The following EIF5A variants were observed in gnomAD, a reference collection of about 807,000 sequenced individuals.
The protein encoded by EIF5A is eukaryotic translation initiation factor 5A-1.
In EIF5A, 1 loss-of-function variant was observed where a neutral mutation model predicts 16.6. The ratio of observed to expected loss-of-function variants is 0.06; its 90% CI spans 0.02 to 0.28. EIF5A has a LOEUF of 0.28. Among genes scored for constraint, EIF5A ranks in the 10% least tolerant of loss-of-function variants. The pLI is 1.00. For synonymous variants in EIF5A, 80 were observed against 73.6 expected (o/e 1.09, Z -0.44); for missense variants, 29 against 196.1 (o/e 0.15, Z 5.09).
intron 2 of EIF5A, chr17:7,310,272 C>T: frequency 7.8e-7 from 1 of 1,288,470 alleles, no homozygotes; most frequent in African/African-American, 1.5e-5. Context: ...TTCTAGCTTT[C>T]CCTTTGGAAC....
chr17:7,309,970 CCA>C, intron 2 of EIF5A, 170 bp downstream of exon 2: 1 of 1,538,908 alleles, frequency 6.5e-7, no homozygotes. Flanking sequence ...CACCTGCTCC[CCA>C]GTCTTCAGCC....
chr17:7,307,658 GGCGGTAGAGGCGGCGGCGGCGGCGGCA>G lies in EIF5A; in HGVS notation c.-111_-85del, dbSNP rs2072664070. The G allele has an allele frequency of 4.1e-5, 43 of 1,050,328 alleles. No individual in the cohort carries two copies. Among genetic ancestry groups the G allele is most frequent in the Non-Finnish European group, 4.5e-5 (39 of 872,684 alleles). The allele number at this position is 1,050,328 out of a possible 1,614,324, so 65.1% of individuals were successfully genotyped here. On this transcript the variant is annotated 5_prime_UTR_variant, in exon 1 of 6. Coordinates refer to ENST00000336458, the MANE Select transcript of EIF5A (RefSeq NM_001970.5). The stretch of plus-strand genomic sequence containing the variant: ...AAGACCCGTGTGCAGCAGCGGCGGC[GGCGGTAGAGGCGGCGGCGGCGGCGGCA>G]GCGGGCTCGGAGGCAGCGGTTGGGC...
At chr17:7,311,166 G>A in intron 3 of EIF5A, 44 bp downstream of exon 3, 1 of 1,604,516 alleles carries the variant, frequency 6.2e-7, no homozygotes, top group Non-Finnish European at 8.5e-7. Context: ...GGTTTATGGT[G>A]GAGGGAGGGG....
chr17:7,310,678 C>T (rs895633673), intron 2 of EIF5A: 1 of 985,416 alleles, frequency 1.0e-6, no homozygotes, highest in Admixed American at 6.1e-5. Flanking sequence ...AGCTCCTTCT[C>T]CTGGTGTCCG....
upstream of EIF5A, chr17:7,307,450 T>C (rs2072656140): frequency 1.1e-5 from 12 of 1,086,254 alleles, no homozygotes; most frequent in South Asian, 3.2e-4. Context: ...ACGCTCAGGG[T>C]TTGTGAGGGG....
At chr17:7,309,241 C>T (rs538117911) in intron 1 of EIF5A, among the ~76,000 whole-genome samples, 2 of 148,638 alleles carry the variant, frequency 1.3e-5, no homozygotes, top group African/African-American at 4.9e-5. Flanking sequence ...CTAATTATAG[C>T]CCTGGCTATA....
chr17:7,307,846 C>G, intron 1 of EIF5A, 94 bp downstream of exon 1: 3 of 979,702 alleles, frequency 3.1e-6, no homozygotes, highest in Non-Finnish European at 3.6e-6. Flanking sequence ...CAGAGGGGAG[C>G]GGCGGCCGCC....
intron 2 of EIF5A, chr17:7,310,543 C>A (rs2072789283): frequency 2.7e-6 from 3 of 1,098,710 alleles, no homozygotes; most frequent in Non-Finnish European, 3.3e-6. Context: ...CTGTGCTCTT[C>A]TGGCTTCCTT....
At chr17:7,308,993 G>GT (rs896878770) in intron 1 of EIF5A, among the ~76,000 whole-genome samples, 2 of 152,192 alleles carry the variant, frequency 1.3e-5, no homozygotes, top group African/African-American at 4.8e-5. Context: ...CAAGATCGAG[G>GT]TGTTTGGCAG....
At chr17:7,308,433 G>GC in intron 1 of EIF5A, 1 of 1,322,236 alleles carries the variant, frequency 7.6e-7, no homozygotes, top group South Asian at 1.2e-5. Context: ...GGGGGCCTGA[G>GC]ATTTTGAGGA....
chr17:7,309,841 C>A, intron 2 of EIF5A, 41 bp downstream of exon 2: 1 of 1,614,118 alleles, frequency 6.2e-7, no homozygotes, highest in Non-Finnish European at 8.5e-7. Context: ...CCCATGCCTC[C>A]AGTATCTTTG....
rs1006965730 is a variant in EIF5A, at chr17:7,308,476, C to T, written c.-22+724C>T. The stretch of plus-strand genomic sequence containing the variant: ...CCGGAGGCTCGGGTCCTAATCACCC[C>T]GGAGGGCCTGCTGCAGGCATATGTT... On this transcript the variant is annotated intron_variant, in intron 1 of 5. Coordinates refer to ENST00000336458, the MANE Select transcript of EIF5A (RefSeq NM_001970.5). 4 of 1,348,478 alleles carry T rather than the reference C, an allele frequency of 3.0e-6. No individual in the cohort carries two copies. The African/African-American group carries it at 4.4e-5, about 15-fold the overall frequency. The allele number at this position is 1,348,478 out of a possible 1,614,324, so 83.5% of individuals were successfully genotyped here. A position where few individuals can be genotyped will look rare whatever the true frequency, so the allele number is the denominator to read the frequency against.
At chr17:7,311,309 TG>T in intron 3 of EIF5A, 40 bp from the exon 4 acceptor site, 2 of 1,613,704 alleles carry the variant, frequency 1.2e-6, no homozygotes, top group Non-Finnish European at 1.7e-6. Flanking sequence ...TCAGCCTCCC[TG>T]GGCCTACTAC....
intron 2 of EIF5A, 68 bp from the exon 3 acceptor site, chr17:7,310,950 C>A: frequency 6.5e-7 from 1 of 1,533,930 alleles, no homozygotes; most frequent in South Asian, 1.2e-5. Flanking sequence ...CAGGCAAGGT[C>A]AATTTGAGCC....
Position 7,308,352 on chromosome 17 carries a change from C to T in EIF5A, c.-22+600C>T, listed in dbSNP as rs918871362. 2.6e-6 allele frequency: 3 copies of T among 1,175,986 alleles called. No homozygotes were observed. In the South Asian group the frequency reaches 4.7e-5, roughly 18 times the overall value. 72.8% of individuals were successfully genotyped at this position (1,175,986 alleles called of 1,614,324 possible). On this transcript the variant is annotated intron_variant, in intron 1 of 5. Coordinates refer to ENST00000336458, the MANE Select transcript of EIF5A (RefSeq NM_001970.5). ...CCCCAGGTCCCGGCCACCGGAAGCC[C>T]GGAACGGCCACATGGTCGGCAGGAG...
upstream of EIF5A, chr17:7,307,150 G>A (rs1472847703): frequency 4.5e-6 from 7 of 1,556,676 alleles, no homozygotes; most frequent in African/African-American, 1.4e-5. Context: ...GCCGAGGTGG[G>A]GCGTATCCTG....
At chr17:7,307,237 AG>A (rs34771023), upstream of EIF5A, 1 of 1,268,810 alleles carries the variant, frequency 7.9e-7, no homozygotes, top group Admixed American at 2.6e-5. Context: ...ACGGCGTCTG[AG>A]GTGGAAGGGG....
upstream of EIF5A, chr17:7,307,171 G>A (rs919220370): frequency 1.3e-6 from 2 of 1,513,514 alleles, no homozygotes; most frequent in Non-Finnish European, 1.8e-6. Flanking sequence ...AGACGCATGC[G>A]TTCTAGACGA....
intron 2 of EIF5A, 35 bp downstream of exon 2, chr17:7,309,835 T>C: frequency 6.2e-7 from 1 of 1,614,126 alleles, no homozygotes. Context: ...GCCTTCCCCA[T>C]GCCTCCAGTA....
Sources: gnomAD v4.1 joint callset for allele counts (sites outside exome capture counted in the v4.1 genomes callset) on GRCh38, gnomAD v4.1.1 for gene constraint, MANE v1.5 for transcripts, NCBI Gene and HGNC (gene_info 2026-07-23, HGNC 2026-07-21) for gene names.